The following ANO1 variants were observed in gnomAD, a reference collection of about 807,000 sequenced individuals.
The protein encoded by ANO1 is anoctamin 1, also known as anoctamin-1.
In ANO1, 59 loss-of-function variants were observed where a neutral mutation model predicts 124.0. The observed-to-expected ratio is 0.48, with a 90% CI of 0.39 to 0.59. The LOEUF (loss-of-function observed/expected upper bound fraction) is 0.59, where lower values mean the gene tolerates loss of function less well. Among genes scored for constraint, ANO1 ranks in the 20% least tolerant of loss-of-function variants. The pLI, the probability that ANO1 is intolerant of heterozygous loss-of-function variation, is 0.00. For missense variants in ANO1, 1,059 were observed against 1,328.0 expected (o/e 0.80, Z 3.15); for synonymous variants, 529 against 532.0 (o/e 0.99, Z 0.08).
At chr11:70,095,255 G>A (rs1452500659) in intron 2 of ANO1, among the ~76,000 whole-genome samples, 1 of 48,410 alleles carries the variant, frequency 2.1e-5, no homozygotes, top group African/African-American at 8.8e-5. Context: ...AAGAAAGGAA[G>A]GAAGGAAGGA....
intron 5 of ANO1, among the ~76,000 whole-genome samples, chr11:70,107,054 T>G (rs1009779280): frequency 6.6e-6 from 1 of 151,998 alleles, no homozygotes; most frequent in African/African-American, 2.4e-5. Context: ...CTGGTGGCAG[T>G]GGTCATAAAC....
Position 70,035,359 on chromosome 11 carries a change from C to A in ANO1, c.59-43183C>A, listed in dbSNP as rs782696141. Among the ~76,000 whole-genome samples the A allele has an allele frequency of 7.2e-5, 11 of 152,150 alleles. No homozygotes were observed. In the East Asian group the frequency reaches 9.7e-4, roughly 13 times the overall value. On this transcript the variant is annotated intron_variant, in intron 1 of 27. Coordinates refer to the ANO1 transcript ENST00000531349. Reference sequence around the variant, plus strand: ...AGGGGCCAAGCCCTGCGCTGGCGAACTTTTCACTTATTATGACCCTGCTTT... The same window carrying A: ...AGGGGCCAAGCCCTGCGCTGGCGAAATTTTCACTTATTATGACCCTGCTTT...
At chr11:70,167,042 G>A (rs2048280922) in intron 20 of ANO1, among the ~76,000 whole-genome samples, 200 bp from the exon 21 acceptor site, 1 of 152,156 alleles carries the variant, frequency 6.6e-6, no homozygotes, top group Non-Finnish European at 1.5e-5. Context: ...AGCTACTCGG[G>A]AGGCTGAGGC....
At chr11:70,121,976 C>G (rs554147610) in intron 8 of ANO1, among the ~76,000 whole-genome samples, 4 of 147,760 alleles carry the variant, frequency 2.7e-5, no homozygotes, top group Admixed American at 1.3e-4. Flanking sequence ...CTCTCTCTGT[C>G]TGTCTGTCTC....
intron 8 of ANO1, among the ~76,000 whole-genome samples, chr11:70,120,458 G>A (rs139429179): frequency 1.4e-4 from 22 of 152,298 alleles, no homozygotes; most frequent in South Asian, 6.2e-4. Flanking sequence ...CCTGGGCCCT[G>A]TTGGGGAGAG....
At chr11:70,105,238 G>A (rs1402701512) in intron 4 of ANO1, among the ~76,000 whole-genome samples, 1 of 152,176 alleles carries the variant, frequency 6.6e-6, no homozygotes, top group Non-Finnish European at 1.5e-5. Flanking sequence ...CAGGGAGTGT[G>A]TTCCCAAGAT....
At position 70,000,618 on chromosome 11, in the gene ANO1, C is replaced by A. The variant is rs1260855410; in HGVS notation, c.58+14452C>A. Among the ~76,000 whole-genome samples, 3 of 149,538 alleles carry A rather than the reference C, an allele frequency of 2.0e-5. No homozygotes were observed. In the East Asian group the frequency reaches 6.0e-4, roughly 30 times the overall value. ...ACTGATAGGCAGATTTACTATTGAA[C>A]AAACACATAGTCTGTGGCCCAGCAA... On this transcript the variant is annotated intron_variant, in intron 1 of 27. Transcript: ENST00000531349.
At chr11:70,022,856 C>CAGACTATCT (rs1253378405) in intron 1 of ANO1, among the ~76,000 whole-genome samples, 1 of 152,154 alleles carries the variant, frequency 6.6e-6, no homozygotes, top group African/African-American at 2.4e-5. Flanking sequence ...GAGATAGCCC[C>CAGACTATCT]AGACTATCTG....
chr11:70,042,581 G>A (rs1389239619), intron 1 of ANO1, among the ~76,000 whole-genome samples: 1 of 152,080 alleles, frequency 6.6e-6, no homozygotes, highest in African/African-American at 2.4e-5. Flanking sequence ...AATCTGCAGA[G>A]AGGTGCCCTT....
intron 21 of ANO1, among the ~76,000 whole-genome samples, chr11:70,168,125 C>T (rs1430120345): frequency 6.6e-6 from 1 of 152,178 alleles, no homozygotes; most frequent in Non-Finnish European, 1.5e-5. Flanking sequence ...GGGAAGAGGC[C>T]AGGTGTGGTC....
intron 1 of ANO1, among the ~76,000 whole-genome samples, chr11:70,053,846 A>C (rs1857391355): frequency 6.6e-6 from 1 of 152,202 alleles, no homozygotes; most frequent in African/African-American, 2.4e-5. Context: ...TTAATTAGAA[A>C]TCAAATTTAT....
At chr11:70,124,512 C>A in intron 9 of ANO1, 98 bp downstream of exon 9, 2 of 1,287,052 alleles carry the variant, frequency 1.6e-6, no homozygotes, top group South Asian at 1.3e-5. Context: ...GTTCAGTACC[C>A]GGGAACGTGT....
intron 8 of ANO1, 39 bp downstream of exon 8, chr11:70,116,538 A>G: frequency 6.4e-7 from 1 of 1,562,468 alleles, no homozygotes. Flanking sequence ...GCTCTGTCAG[A>G]GCCTGGAGGC....
chr11:70,185,526 G>A, intron 24 of ANO1, 64 bp from the exon 25 acceptor site: 1 of 1,500,212 alleles, frequency 6.7e-7, no homozygotes. Context: ...CGAGCTGCCT[G>A]ACTCCAGCCA....
chr11:70,111,960 T>C (rs2515252), intron 7 of ANO1, among the ~76,000 whole-genome samples, 198 bp downstream of exon 7: 125,205 of 152,144 alleles, frequency 0.82, 51,831 homozygotes, highest in Middle Eastern at 0.9. Context: ...CATCTTTTCT[T>C]GCAAAACAAT....
At chr11:70,067,323 GTTTTTT>G (rs71046572) in intron 1 of ANO1, among the ~76,000 whole-genome samples, 1 of 126,536 alleles carries the variant, frequency 7.9e-6, no homozygotes, top group East Asian at 2.4e-4. Flanking sequence ...AATCGTGGGT[GTTTTTT>G]TTTTTTTTTT....
At chr11:70,017,550 C>T (rs1049883994) in intron 1 of ANO1, among the ~76,000 whole-genome samples, 3 of 135,592 alleles carry the variant, frequency 2.2e-5, no homozygotes, top group Admixed American at 1.6e-4. Flanking sequence ...TTGTCTTACT[C>T]TGTCACCCAG....
intron 8 of ANO1, among the ~76,000 whole-genome samples, chr11:70,116,858 G>A (rs1383858225): frequency 6.6e-6 from 1 of 152,196 alleles, no homozygotes; most frequent in Non-Finnish European, 1.5e-5. Context: ...TTGCTGGCAT[G>A]TGGCCTAATC....
At position 70,187,860 on chromosome 11, in the gene ANO1, A is replaced by T. The variant is rs1264156830; in HGVS notation, c.2817A>T (p.Gln939His). Residue 939 changes from glutamine to histidine, a missense_variant, in exon 26 of 26, where the codon CAA becomes CAT. Gln to His is a conservative substitution (Grantham distance 24). Transcript: ENST00000355303. ...LMVELFMREEQDKQQLLETWM... is the reference protein window; with the variant it reads ...LMVELFMREEHDKQQLLETWM... ...TGGAGCTGTTCATGCGGGAGGAGCAAGACAAGCAGCAGCTGCTGGAAACCT... is the reference window on the plus strand; with the variant it reads ...TGGAGCTGTTCATGCGGGAGGAGCATGACAAGCAGCAGCTGCTGGAAACCT... 6.2e-7 allele frequency: 1 copy of T among 1,607,930 alleles called. No homozygotes were observed. The highest frequency in any genetic ancestry group is 1.7e-4 in the Middle Eastern group (1 of 6,056).
Sources: gnomAD v4.1 joint callset for allele counts (sites outside exome capture counted in the v4.1 genomes callset) on GRCh38, gnomAD v4.1.1 for gene constraint, MANE v1.5 for transcripts, NCBI Gene and HGNC (gene_info 2026-07-23, HGNC 2026-07-21) for gene names.